PRSS23: variants seen among roughly 807,000 people sequenced by gnomAD.
The protein encoded by PRSS23 is serine protease 23, also known as protease, serine 23.
A neutral mutation model predicts 34.7 loss-of-function variants in PRSS23; 25 were observed. The observed-to-expected ratio is 0.72, with a 90% confidence interval of 0.53 to 1.01. PRSS23 has a LOEUF of 1.01. PRSS23 is among the 50% of genes least tolerant of loss of function. The pLI, the probability that PRSS23 is intolerant of heterozygous loss-of-function variation, is 0.00. For synonymous variants in PRSS23, 176 were observed against 186.6 expected (o/e 0.94, Z 0.46); for missense variants, 445 against 475.6 (o/e 0.94, Z 0.60).
intron 2 of PRSS23, among the ~76,000 whole-genome samples, chr11:86,824,911 G>A (rs943756614): frequency 6.6e-6 from 1 of 152,028 alleles, no homozygotes; most frequent in Non-Finnish European, 1.5e-5. Context: ...CCAAGTCTTT[G>A]CTATTGTGAA....
exon 3 of PRSS23, chr11:86,952,573 T>G: frequency 7.6e-7 from 1 of 1,316,520 alleles, no homozygotes; most frequent in Non-Finnish European, 1.1e-6. Context: ...GCAATCTAGG[T>G]ATCTACTTTT....
chr11:86,888,415 T>A (rs1948819751), intron 2 of PRSS23, among the ~76,000 whole-genome samples: 1 of 152,158 alleles, frequency 6.6e-6, no homozygotes, highest in South Asian at 2.1e-4. Context: ...TTTCAACAAC[T>A]GGGGGTAAAT....
At chr11:86,884,289 T>G (rs1425659483) in intron 2 of PRSS23, among the ~76,000 whole-genome samples, 1 of 152,164 alleles carries the variant, frequency 6.6e-6, no homozygotes, top group African/African-American at 2.4e-5. Context: ...ATTCTTGCAC[T>G]CATATTTGTT....
At chr11:86,849,840 C>T (rs995151463) in intron 2 of PRSS23, among the ~76,000 whole-genome samples, 1 of 152,130 alleles carries the variant, frequency 6.6e-6, no homozygotes, top group African/African-American at 2.4e-5. Context: ...CACTCTGACT[C>T]CCTAGTCACC....
At chr11:86,938,834 TAAG>T (rs1949181692) in intron 2 of PRSS23, among the ~76,000 whole-genome samples, 1 of 151,982 alleles carries the variant, frequency 6.6e-6, no homozygotes, top group Non-Finnish European at 1.5e-5. Context: ...CTAGAGAACC[TAAG>T]AAGGCCCCTG....
chr11:86,936,130 A>C (rs1289734115), intron 2 of PRSS23: 2 of 152,174 alleles, frequency 1.3e-5, no homozygotes, highest in Non-Finnish European at 2.9e-5. Context: ...ATCATGCTTC[A>C]CATGTAGGAT....
downstream of PRSS23, among the ~76,000 whole-genome samples, chr11:86,815,866 C>T (rs772639546): frequency 1.1e-4 from 17 of 152,164 alleles, no homozygotes; most frequent in Non-Finnish European, 2.2e-4. Context: ...CCTGATTTCA[C>T]CTTGTTGTTT....
chr11:86,833,801 G>A (rs958691237), intron 2 of PRSS23, among the ~76,000 whole-genome samples: 4 of 152,134 alleles, frequency 2.6e-5, no homozygotes, highest in African/African-American at 7.2e-5. Context: ...AGCTAGTCCT[G>A]TCTCTCAGTC....
In PRSS23 at chr11:86,793,005, G is replaced by A. The variant is rs181525471; in HGVS notation, c.-14+1810G>A. Among the ~76,000 whole-genome samples the A allele has an allele frequency of 8.6e-4, 131 of 152,272 alleles. 1 individual carries two copies. The highest frequency in any genetic ancestry group is 3.0e-3 in the African/African-American group (123 of 41,548). On this transcript the variant is annotated intron_variant, in intron 1 of 1. Coordinates refer to the PRSS23 transcript ENST00000527521. Reference sequence around the variant, plus strand: ...CAGGTAGCTGGGACTACAAGCACACGTCACTAGGCTCAGCTAATTTTTGTA... The same window carrying A: ...CAGGTAGCTGGGACTACAAGCACACATCACTAGGCTCAGCTAATTTTTGTA...
upstream of PRSS23, among the ~76,000 whole-genome samples, chr11:86,798,596 A>G (rs1166320602): frequency 6.6e-6 from 1 of 152,224 alleles, no homozygotes; most frequent in African/African-American, 2.4e-5. Context: ...AAACGTTACT[A>G]ATTTCAATTT....
rs536130342 is a variant in PRSS23 at position 86,823,588 on chromosome 11, G to A, written c.201G>A (p.Ser67=). 24 of 702,568 alleles carry A rather than the reference G, an allele frequency of 3.4e-5. 1 individual carries two copies. Among genetic ancestry groups the A allele is most frequent in the African/African-American group, 1.2e-4 (7 of 57,376 alleles). 43.5% of individuals were successfully genotyped at this position (702,568 alleles called of 1,614,324 possible). ...CTTTCATGGAGTTCACAGAAGAGTCGAGGAGGTAAGTTCATATCAGATTAT... is the reference window on the plus strand; with the variant it reads ...CTTTCATGGAGTTCACAGAAGAGTCAAGGAGGTAAGTTCATATCAGATTAT... Residue 67 remains serine, a synonymous_variant, in exon 2 of 3, where the codon TCG becomes TCA. Transcript: ENST00000533902.
upstream of PRSS23, among the ~76,000 whole-genome samples, chr11:86,798,511 T>C (rs1947997001): frequency 6.6e-6 from 1 of 151,950 alleles, no homozygotes; most frequent in African/African-American, 2.4e-5. Flanking sequence ...ATCATGAGAG[T>C]GGCAGAGCCA....
intron 2 of PRSS23, among the ~76,000 whole-genome samples, chr11:86,877,856 G>GC (rs1948735307): frequency 1.2e-5 from 1 of 82,192 alleles, no homozygotes; most frequent in African/African-American, 7.1e-5. Flanking sequence ...TTTCATTTCT[G>GC]CAAAAAAAAA....
At chr11:86,935,376 A>C (rs1161547576) in intron 2 of PRSS23, 1 of 146,272 alleles carries the variant, frequency 6.8e-6, no homozygotes, top group African/African-American at 2.5e-5. Flanking sequence ...GAAAAGATGC[A>C]TCATAAGAGA....
intron 1 of PRSS23, among the ~76,000 whole-genome samples, chr11:86,817,389 A>G (rs961739855): frequency 6.6e-5 from 10 of 152,236 alleles, no homozygotes; most frequent in Admixed American, 3.9e-4. Flanking sequence ...AAGACAAAAA[A>G]CAAAGTGAGC....
chr11:86,860,257 AAAT>A (rs1462486626), intron 2 of PRSS23, among the ~76,000 whole-genome samples: 2 of 151,156 alleles, frequency 1.3e-5, no homozygotes, highest in Non-Finnish European at 1.5e-5. Flanking sequence ...GTGAGGGAGA[AAAT>A]AATATTACTT....
At chr11:86,906,569 G>T (rs1433647981) in intron 2 of PRSS23, among the ~76,000 whole-genome samples, 1 of 152,226 alleles carries the variant, frequency 6.6e-6, no homozygotes, top group Admixed American at 6.5e-5. Context: ...GTGCCTGATA[G>T]TTTGCCACGA....
At position 86,847,984 on chromosome 11, in the gene PRSS23, A is replaced by G. The variant is rs920528269; in HGVS notation, c.206+24391A>G. ...TCTCCTCCTGCACTGACTCTCCTCC[A>G]TCTGGCCTCACTGAAGTGTTAAAGG... On this transcript the variant is annotated intron_variant, in intron 2 of 2. Transcript: ENST00000533902. 6.6e-5 allele frequency among the ~76,000 whole-genome samples: 10 copies of G among 152,220 alleles called. No individual in the cohort carries two copies. In the South Asian group the frequency reaches 1.2e-3, roughly 19 times the overall value.
rs147624136 is a variant in PRSS23 at position 86,924,762 on chromosome 11, AG to A, written c.207-26451del. Reference sequence around the variant, plus strand: ...AGACTACATTGTTTAAAATGGTCCAAGGGCTCCCCAAAACCTTTAGTGAACG... The same window carrying A: ...AGACTACATTGTTTAAAATGGTCCAAGGCTCCCCAAAACCTTTAGTGAACG... On this transcript the variant is annotated intron_variant, in intron 2 of 2. Coordinates refer to the PRSS23 transcript ENST00000533902. Among the ~76,000 whole-genome samples the A allele has an allele frequency of 4.6e-5, 7 of 152,322 alleles. No individual in the cohort carries two copies. The East Asian group carries it at 1.3e-3, about 29-fold the overall frequency.
Sources: gnomAD v4.1 joint callset for allele counts (sites outside exome capture counted in the v4.1 genomes callset) on GRCh38, gnomAD v4.1.1 for gene constraint, MANE v1.5 for transcripts, NCBI Gene and HGNC (gene_info 2026-07-23, HGNC 2026-07-21) for gene names.